The following PKP1 variants were observed in gnomAD, a reference collection of about 807,000 sequenced individuals.
The protein encoded by PKP1 is plakophilin-1.
A neutral mutation model predicts 76.4 loss-of-function variants in PKP1; 27 were observed. That is an observed-to-expected ratio of 0.35 (90% CI 0.26 to 0.49). The LOEUF is 0.49. Among genes scored for constraint, PKP1 ranks in the 20% least tolerant of loss-of-function variants. The pLI, the probability that PKP1 is intolerant of heterozygous loss-of-function variation, is 0.99. For missense variants in PKP1, 964 were observed against 955.2 expected, an observed-to-expected ratio of 1.01 and a Z score of -0.12; for synonymous variants, 404 against 384.2, an observed-to-expected ratio of 1.05 and a Z score of -0.60.
chr1:201,313,467 C>T lies in PKP1; in HGVS notation c.608C>T (p.Pro203Leu), dbSNP rs1202220475. The change falls in exon 3 of 14, where the codon CCG becomes CTG. Residue 203 changes from proline to leucine, a missense_variant. Physicochemically the swap from Pro to Leu is moderately conservative, Grantham distance 98 (BLOSUM62 -3). Transcript: ENST00000367324. ...GCCATAAAGAAGTGCCCTGTGCGCC[C>T]GCCCTCTTGTGCCTCCAAGCAGGAC... ...QKAIKKCPVR[P>L]PSCASKQDPV... The T allele has an allele frequency of 1.5e-5, 24 of 1,612,402 alleles. No individual in the cohort carries two copies. The highest frequency in any genetic ancestry group is 1.4e-4 in the South Asian group (13 of 90,486).
chr1:201,288,033 G>A lies in PKP1; in HGVS notation c.202+4129G>A, dbSNP rs886543550. On this transcript the variant is annotated intron_variant, in intron 1 of 13. Transcript: ENST00000367324. ...TCCACACACCCACACATGCACACAC[G>A]TACACACACATAACATGCACACACT... Among the ~76,000 whole-genome samples the A allele has an allele frequency of 4.0e-5, 6 of 151,878 alleles. No homozygotes were observed. The South Asian group carries it at 6.2e-4, about 16-fold the overall frequency.
At chr1:201,307,502 C>T (rs796536783) in intron 2 of PKP1, among the ~76,000 whole-genome samples, 14 of 152,268 alleles carry the variant, frequency 9.2e-5, no homozygotes, top group African/African-American at 2.6e-4. Context: ...GATTCTCGAC[C>T]GCCTGGAGCC....
In PKP1 at chr1:201,332,062, C is replaced by A. The variant is rs546829203; in HGVS notation, c.*2021C>A. ...CACAGACCACATCCCTGTCCTCATG[C>A]GGCTTATGTTTTCTGGAGGAAAGTG... On this transcript the variant is annotated 3_prime_UTR_variant, in exon 14 of 14. Transcript: ENST00000367324. 1 of 152,484 alleles carries A rather than the reference C, an allele frequency of 6.6e-6. No homozygotes were observed. Among genetic ancestry groups the A allele is most frequent in the Non-Finnish European group, 1.5e-5 (1 of 68,260 alleles). The allele number at this position is 152,484 out of a possible 1,614,324, so 9.4% of individuals were successfully genotyped here.
chr1:201,285,559 C>A (rs1655708232), intron 1 of PKP1, among the ~76,000 whole-genome samples: 1 of 152,154 alleles, frequency 6.6e-6, no homozygotes, highest in Non-Finnish European at 1.5e-5. Context: ...TTTGGAATAA[C>A]AAAGTGCCCC....
chr1:201,319,273 G>A (rs553596558), intron 6 of PKP1, among the ~76,000 whole-genome samples: 2 of 152,318 alleles, frequency 1.3e-5, no homozygotes, highest in East Asian at 1.9e-4. Flanking sequence ...ATACCAGGGT[G>A]TGGCAAAGCC....
chr1:201,290,589 C>G (rs1655883966), intron 1 of PKP1, among the ~76,000 whole-genome samples: 1 of 152,134 alleles, frequency 6.6e-6, no homozygotes, highest in Non-Finnish European at 1.5e-5. Flanking sequence ...CACCAGGGAC[C>G]TCTTTGAGTG....
At chr1:201,327,930 TGA>T (rs1378899989) in intron 12 of PKP1, among the ~76,000 whole-genome samples, 1 of 152,116 alleles carries the variant, frequency 6.6e-6, no homozygotes, top group Admixed American at 6.5e-5. Flanking sequence ...TCGACAGGAA[TGA>T]GCATGCCAAT....
At chr1:201,303,314 G>A (rs555943507) in intron 2 of PKP1, among the ~76,000 whole-genome samples, 4 of 152,008 alleles carry the variant, frequency 2.6e-5, no homozygotes, top group Non-Finnish European at 4.4e-5. Flanking sequence ...CAGTTTTAGA[G>A]ATGGGGTCTC....
At chr1:201,293,842 A>G (rs1655996645) in intron 1 of PKP1, 100 bp from the exon 2 acceptor site, 1 of 783,748 alleles carries the variant, frequency 1.3e-6, no homozygotes, top group South Asian at 1.5e-5. Flanking sequence ...GGTCTCCTCC[A>G]TGGGCATAGT....
chr1:201,303,618 GTTTGT>G (rs1474296933), intron 2 of PKP1, among the ~76,000 whole-genome samples: 3 of 152,074 alleles, frequency 2.0e-5, no homozygotes, highest in African/African-American at 4.8e-5. Flanking sequence ...TTGTTTGTTT[GTTTGT>G]TTTATTTTGT....
chr1:201,283,966 G>C (rs1655650773), intron 1 of PKP1, 62 bp downstream of exon 1: 1 of 1,478,100 alleles, frequency 6.8e-7, no homozygotes, highest in African/African-American at 1.4e-5. Context: ...GCCCAGTGGC[G>C]GGGACCAAGA....
intron 8 of PKP1, among the ~76,000 whole-genome samples, chr1:201,322,572 T>C (rs114143113): frequency 0.15 from 22,467 of 151,996 alleles, 2,244 homozygotes; most frequent in African/African-American, 0.29. Flanking sequence ...GGTTGTCAGG[T>C]CTCCTTCACT....
At chr1:201,326,092 G>C (rs1657120001) in intron 12 of PKP1, among the ~76,000 whole-genome samples, 1 of 152,232 alleles carries the variant, frequency 6.6e-6, no homozygotes, top group Admixed American at 6.5e-5. Context: ...AGAGGCCTGG[G>C]GTGGGATCCT....
chr1:201,296,208 G>T (rs913252059), intron 2 of PKP1, among the ~76,000 whole-genome samples: 6 of 152,236 alleles, frequency 3.9e-5, no homozygotes, highest in Non-Finnish European at 7.3e-5. Context: ...GAGGGAGGAG[G>T]CCAAGTAGGG....
chr1:201,302,766 C>G (rs1006091891), intron 2 of PKP1, among the ~76,000 whole-genome samples: 1 of 152,238 alleles, frequency 6.6e-6, no homozygotes, highest in Non-Finnish European at 1.5e-5. Flanking sequence ...CTCCCGCCCC[C>G]ACAGCGTGCC....
intron 6 of PKP1, 38 bp downstream of exon 6, chr1:201,318,833 C>A (rs1177111667): frequency 2.0e-6 from 3 of 1,522,052 alleles, no homozygotes; most frequent in Middle Eastern, 2.3e-4. Flanking sequence ...TTTGTCCCAG[C>A]CTTGGGCCCT....
At chr1:201,327,417 A>C (rs1387645030) in intron 12 of PKP1, among the ~76,000 whole-genome samples, 1 of 152,194 alleles carries the variant, frequency 6.6e-6, no homozygotes, top group Non-Finnish European at 1.5e-5. Context: ...AGGTCACAGC[A>C]AAGGGTGGCC....
At chr1:201,317,274 A>G (rs1327131820) in intron 4 of PKP1, among the ~76,000 whole-genome samples, 2 of 152,108 alleles carry the variant, frequency 1.3e-5, no homozygotes, top group Non-Finnish European at 2.9e-5. Context: ...TCAGGTCCTC[A>G]CCATCATTCT....
rs779114229 is a variant in PKP1 at position 201,318,646 on chromosome 1, C to T, written c.1083C>T (p.Asp361=). 1.1e-5 allele frequency: 17 copies of T among 1,612,108 alleles called. 1 individual carries two copies. Among genetic ancestry groups the T allele is most frequent in the Admixed American group, 6.7e-5 (4 of 59,996 alleles). ...TGCTCTGGAACCTGTCTTCCACTGA[C>T]GAGCTGAAGGAGGAACTCATTGCCG... ...TGLLWNLSST[D]ELKEELIADA... is the part of the protein sequence containing the mutation. Residue 361 remains aspartate (D), a synonymous_variant, in exon 6 of 14, where the codon GAC becomes GAT. Transcript: ENST00000367324.
Sources: allele counts gnomAD v4.1 joint callset (sites outside exome capture counted in the v4.1 genomes callset), GRCh38; gene constraint gnomAD v4.1.1; transcripts MANE v1.5; gene names NCBI Gene and HGNC (gene_info 2026-07-23, HGNC 2026-07-21).